Variants in SPMAP2L observed in about 807,000 individuals in gnomAD.
The protein encoded by SPMAP2L is sperm microtubule associated protein 2 like.
At chr4:56,593,276 T>G in the SPMAP2L span, 281 of 1,191,074 alleles carry the variant, frequency 2.4e-4, no homozygotes, top group African/African-American at 3.7e-3. Flanking sequence ...GCAGAGGCGC[T>G]GCAGCTGTGC....
At chr4:56,576,934 T>C in the SPMAP2L span, among the ~76,000 whole-genome samples, 5 of 152,248 alleles carry the variant, frequency 3.3e-5, no homozygotes, top group Non-Finnish European at 7.3e-5. Flanking sequence ...TAGACTTTTC[T>C]GCTGCTTGAA....
chr4:56,600,097 C>CTTTTTTTTTTTTTTTTTTTTTTT, the SPMAP2L span, among the ~76,000 whole-genome samples: 7 of 87,804 alleles, frequency 8.0e-5, no homozygotes, highest in African/African-American at 3.0e-4. Context: ...TCTTTGCTTT[C>CTTTTTTTTTTTTTTTTTTTTTTT]TTTTTTTTTT....
At chr4:56,533,484 C>G in the SPMAP2L span, among the ~76,000 whole-genome samples, 1 of 152,108 alleles carries the variant, frequency 6.6e-6, no homozygotes, top group Non-Finnish European at 1.5e-5. Context: ...ACATTTTTTC[C>G]TGTTAATAAT....
chr4:56,617,638 T>G, the SPMAP2L span, among the ~76,000 whole-genome samples: 1 of 152,172 alleles, frequency 6.6e-6, no homozygotes, highest in African/African-American at 2.4e-5. Context: ...TACAGGGTGC[T>G]CTTTTTGTTT....
the SPMAP2L span, among the ~76,000 whole-genome samples, chr4:56,619,373 C>T: frequency 3.5e-4 from 54 of 152,284 alleles, no homozygotes; most frequent in African/African-American, 1.3e-3. Context: ...AACTTGATGC[C>T]TGTTGTTAGT....
chr4:56,593,771 A>T, the SPMAP2L span: 1 of 1,581,404 alleles, frequency 6.3e-7, no homozygotes, highest in African/African-American at 1.3e-5. Context: ...GGAGCAACAC[A>T]CTGAGAGAGA....
chr4:56,600,832 T>A, the SPMAP2L span: 3 of 1,206,490 alleles, frequency 2.5e-6, no homozygotes, highest in African/African-American at 4.6e-5. Context: ...GTTGCAGTAA[T>A]CCAGAAAAGA....
chr4:56,595,627 A>G, the SPMAP2L span: 6 of 1,259,322 alleles, frequency 4.8e-6, no homozygotes, highest in African/African-American at 1.5e-5. Context: ...GCCCGGATTG[A>G]TGACATATAT....
chr4:56,610,053 T>C, the SPMAP2L span, among the ~76,000 whole-genome samples: 1 of 152,100 alleles, frequency 6.6e-6, no homozygotes, highest in South Asian at 2.1e-4. Context: ...TTTAATGCAA[T>C]TCCCATTAAA....
chr4:56,591,402 G>C, the SPMAP2L span, among the ~76,000 whole-genome samples: 5 of 152,184 alleles, frequency 3.3e-5, no homozygotes, highest in African/African-American at 4.8e-5. Context: ...GGTCTTTATA[G>C]CAATGCAAGG....
the SPMAP2L span, among the ~76,000 whole-genome samples, chr4:56,545,285 C>T: frequency 2.0e-5 from 3 of 152,116 alleles, no homozygotes; most frequent in East Asian, 1.9e-4. Context: ...TTTTCTCTTT[C>T]CTTGAGTTTT....
the SPMAP2L span, among the ~76,000 whole-genome samples, chr4:56,566,956 A>T: frequency 1.3e-5 from 2 of 151,628 alleles, no homozygotes; most frequent in African/African-American, 4.8e-5. Context: ...TGGCCTCCCA[A>T]AGTTCTAGGA....
chr4:56,599,674 TTA>T, the SPMAP2L span, among the ~76,000 whole-genome samples: 1 of 152,218 alleles, frequency 6.6e-6, no homozygotes, highest in African/African-American at 2.4e-5. Flanking sequence ...TGTTCCTGTG[TTA>T]GTTTGCTGAG....
At chr4:56,530,649 C>T in the SPMAP2L span, 2 of 1,525,956 alleles carry the variant, frequency 1.3e-6, no homozygotes, top group Non-Finnish European at 8.8e-7. Context: ...AGGGTGAGTC[C>T]CGCGCGCGAC....
At chr4:56,553,144 T>C in the SPMAP2L span, among the ~76,000 whole-genome samples, 1 of 145,488 alleles carries the variant, frequency 6.9e-6, no homozygotes, top group Admixed American at 6.8e-5. Context: ...CTTTGGCTCC[T>C]GAGTCAAGCT....
At chr4:56,534,844 G>T in the SPMAP2L span, among the ~76,000 whole-genome samples, 1 of 152,122 alleles carries the variant, frequency 6.6e-6, no homozygotes, top group Admixed American at 6.6e-5. Context: ...CAGGAGAATC[G>T]CTTGAACCTG....
At chr4:56,554,524 G>A in the SPMAP2L span, among the ~76,000 whole-genome samples, 1 of 152,158 alleles carries the variant, frequency 6.6e-6, no homozygotes, top group Non-Finnish European at 1.5e-5. Flanking sequence ...ATTTGTTATT[G>A]TTGAGTTTTA....
the SPMAP2L span, among the ~76,000 whole-genome samples, chr4:56,611,288 G>C: frequency 6.6e-6 from 1 of 152,206 alleles, no homozygotes; most frequent in African/African-American, 2.4e-5. Context: ...AATGGCATTT[G>C]CAGCAACCTG....
chr4:56,595,591 C>T, the SPMAP2L span: 3 of 1,352,634 alleles, frequency 2.2e-6, no homozygotes, highest in Non-Finnish European at 3.2e-6. Flanking sequence ...TTCGTGAAAC[C>T]AGAGAACAAA....
Sources: allele counts gnomAD v4.1 joint callset (sites outside exome capture counted in the v4.1 genomes callset), GRCh38; gene constraint gnomAD v4.1.1; transcripts MANE v1.5; gene names NCBI Gene and HGNC (gene_info 2026-07-23, HGNC 2026-07-21).